Variants in NDUFAF2 observed in about 807,000 individuals in gnomAD.
NDUFAF2 encodes NADH:ubiquinone oxidoreductase complex assembly factor 2, also known as NADH dehydrogenase [ubiquinone] 1 alpha subcomplex assembly factor 2.
NDUFAF2 carries 13 observed loss-of-function variants against 22.8 expected under a neutral mutation model. The observed-to-expected ratio is 0.57, with a 90% CI of 0.37 to 0.91. The LOEUF (loss-of-function observed/expected upper bound fraction) is 0.91. Among genes scored for constraint, NDUFAF2 ranks in the 40% least tolerant of loss-of-function variants. The pLI is 0.01. For missense variants in NDUFAF2, 162 were observed against 195.2 expected (o/e 0.83, Z 1.01); for synonymous variants, 53 against 64.2 (o/e 0.83, Z 0.84).
Position 60,979,480 on chromosome 5 carries a change from C to T in NDUFAF2, c.127+34098C>T, listed in dbSNP as rs188135223. ...ACTGGCAGTATTCAGCATAAGCTGG[C>T]CGAAAAGCCCTTGGGCCTTGAGTGA... On this transcript the variant is annotated intron_variant, in intron 1 of 3. Transcript: ENST00000296597. Among the ~76,000 whole-genome samples the T allele has an allele frequency of 1.0e-3, 153 of 152,124 alleles. 1 individual carries two copies. The highest frequency in any genetic ancestry group is 2.3e-3 in the Admixed American group (35 of 15,282).
chr5:61,050,302 A>G (rs2111697767), intron 1 of NDUFAF2: 1 of 152,208 alleles, frequency 6.6e-6, no homozygotes, highest in Middle Eastern at 3.4e-3. Context: ...GAGGTGGAGT[A>G]GTGTATTTTA....
At chr5:61,070,842 A>C (rs1212264456) in intron 1 of NDUFAF2, among the ~76,000 whole-genome samples, 1 of 152,044 alleles carries the variant, frequency 6.6e-6, no homozygotes, top group Non-Finnish European at 1.5e-5. Context: ...ACATTTAAAA[A>C]CTTATAGACC....
intron 3 of NDUFAF2, 53 bp from the exon 4 acceptor site, chr5:61,152,651 A>C: frequency 1.5e-6 from 2 of 1,306,934 alleles, no homozygotes; most frequent in Non-Finnish European, 2.1e-6. Flanking sequence ...TTTTTATAAA[A>C]ACTTTTTTTA....
intron 3 of NDUFAF2, among the ~76,000 whole-genome samples, chr5:61,112,224 T>G (rs1461098793): frequency 6.6e-6 from 1 of 150,824 alleles, no homozygotes; most frequent in African/African-American, 2.4e-5. Context: ...CCCCCCTTTT[T>G]TTTTTTTTGA....
intron 3 of NDUFAF2, among the ~76,000 whole-genome samples, chr5:61,129,958 G>C (rs1753088512): frequency 6.6e-6 from 1 of 152,012 alleles, no homozygotes; most frequent in African/African-American, 2.4e-5. Context: ...GATAAGAGCT[G>C]TTCTAATTCC....
intron 3 of NDUFAF2, among the ~76,000 whole-genome samples, chr5:61,106,061 A>G (rs1439717412): frequency 6.6e-6 from 1 of 151,562 alleles, no homozygotes; most frequent in Non-Finnish European, 1.5e-5. Context: ...CCGTTTAAGA[A>G]GCAATTAGAT....
intron 1 of NDUFAF2, among the ~76,000 whole-genome samples, chr5:61,046,184 A>T (rs558427222): frequency 6.6e-6 from 1 of 152,080 alleles, no homozygotes; most frequent in African/African-American, 2.4e-5. Flanking sequence ...CATGTGAATG[A>T]TCCTTTTAAT....
At chr5:61,099,079 G>A (rs766362973) in intron 3 of NDUFAF2, 47 bp downstream of exon 3, 75 of 1,335,780 alleles carry the variant, frequency 5.6e-5, no homozygotes, top group Admixed American at 1.4e-4. Context: ...ATATTCCCAA[G>A]GATATACGAA....
intron 1 of NDUFAF2, among the ~76,000 whole-genome samples, chr5:60,986,981 C>G (rs1751090125): frequency 6.7e-6 from 1 of 148,908 alleles, no homozygotes; most frequent in Non-Finnish European, 1.5e-5. Flanking sequence ...ATACAAGGAC[C>G]AATGAATCCA....
intron 2 of NDUFAF2, among the ~76,000 whole-genome samples, chr5:61,084,000 A>G (rs996347810): frequency 9.9e-5 from 15 of 151,742 alleles, no homozygotes; most frequent in African/African-American, 3.6e-4. Flanking sequence ...CTCCACAATA[A>G]TGATGAGTAG....
At chr5:60,956,704 G>A (rs1252859315) in intron 1 of NDUFAF2, among the ~76,000 whole-genome samples, 1 of 152,064 alleles carries the variant, frequency 6.6e-6, no homozygotes, top group African/African-American at 2.4e-5. Context: ...TATAAAAGTT[G>A]TGAGCCAAGA....
At chr5:60,966,962 C>T (rs1051494009) in intron 1 of NDUFAF2, among the ~76,000 whole-genome samples, 3 of 152,028 alleles carry the variant, frequency 2.0e-5, no homozygotes, top group Non-Finnish European at 4.4e-5. Context: ...AATATTAATT[C>T]TTCCAATGCA....
At chr5:61,137,126 C>T (rs757892343) in intron 3 of NDUFAF2, among the ~76,000 whole-genome samples, 25 of 152,148 alleles carry the variant, frequency 1.6e-4, no homozygotes, top group Non-Finnish European at 2.2e-4. Context: ...TCCCTTACCT[C>T]TTAAATTTTG....
intron 1 of NDUFAF2, among the ~76,000 whole-genome samples, chr5:60,964,088 G>T (rs1750724106): frequency 6.6e-6 from 1 of 152,098 alleles, no homozygotes. Flanking sequence ...ACTGTAGCAG[G>T]CAGAGATTGA....
intron 1 of NDUFAF2, among the ~76,000 whole-genome samples, chr5:60,984,476 A>G (rs1435982843): frequency 6.6e-6 from 1 of 152,116 alleles, no homozygotes; most frequent in South Asian, 2.1e-4. Flanking sequence ...GTCTTGTGCC[A>G]GTTTTCAAAG....
At chr5:61,147,423 ATTTTTTTTTCTTTCTT>A (rs1741155476) in intron 3 of NDUFAF2, among the ~76,000 whole-genome samples, 1 of 54,018 alleles carries the variant, frequency 1.9e-5, no homozygotes, top group Admixed American at 2.1e-4. Flanking sequence ...TAATTTTTGT[ATTTTTTTTTCTTTCTT>A]TTTTTTTTTT....
intron 1 of NDUFAF2, among the ~76,000 whole-genome samples, chr5:61,044,435 A>G (rs550378130): frequency 2.0e-5 from 3 of 152,308 alleles, no homozygotes; most frequent in African/African-American, 7.2e-5. Flanking sequence ...GCCAAAGCCA[A>G]TAAGCTTTTT....
chr5:61,088,587 G>A (rs1214191174), intron 2 of NDUFAF2, among the ~76,000 whole-genome samples: 1 of 152,120 alleles, frequency 6.6e-6, no homozygotes, highest in Admixed American at 6.6e-5. Flanking sequence ...ATGGCTCACA[G>A]TATTTTGTAA....
rs556903205 is a variant in NDUFAF2, at chr5:61,112,109, T to TTA, written c.258+13083_258+13084dup. ...CTCTTTAGCTCTAATAATATTTGCA[T>TTA]TATATATGTGAGTGCTCCAGAGTTG... On this transcript the variant is annotated intron_variant, in intron 3 of 3. Coordinates refer to ENST00000296597, the MANE Select transcript of NDUFAF2 (RefSeq NM_174889.5). 2.4e-4 allele frequency among the ~76,000 whole-genome samples: 37 copies of TTA among 152,192 alleles called. 1 individual carries two copies. In the South Asian group the frequency reaches 7.0e-3, roughly 29 times the overall value.
Sources: allele counts gnomAD v4.1 joint callset (sites outside exome capture counted in the v4.1 genomes callset), GRCh38; gene constraint gnomAD v4.1.1; transcripts MANE v1.5; gene names NCBI Gene and HGNC (gene_info 2026-07-23, HGNC 2026-07-21).